Variants in ACSL4 observed in about 807,000 individuals in gnomAD.
ACSL4 encodes the protein acyl-CoA synthetase long chain family member 4, also known as long-chain-fatty-acid--CoA ligase 4.
Under a neutral mutation model 49.1 loss-of-function variants are expected in ACSL4, and 9 were observed. The observed-to-expected ratio is 0.18, with a 90% CI of 0.11 to 0.32. ACSL4 has a LOEUF of 0.32. Ranked by LOEUF, ACSL4 falls within the 10% of genes least tolerant of loss-of-function variation. ACSL4 has a pLI of 1.00. For missense variants in ACSL4, 333 were observed against 493.7 expected, an observed-to-expected ratio of 0.67 and a Z score of 3.08; for synonymous variants, 191 against 170.3, an observed-to-expected ratio of 1.12 and a Z score of -0.95.
chrX:109,660,983 A>G (rs1239734593), intron 14 of ACSL4, among the ~76,000 whole-genome samples: 1 of 111,398 alleles, frequency 9.0e-6, no homozygotes, highest in African/African-American at 3.3e-5. Flanking sequence ...TTTTGCAAGA[A>G]AAAAAGGTCT....
At chrX:109,656,004 G>T (rs988359655) in intron 15 of ACSL4, among the ~76,000 whole-genome samples, 1 of 111,166 alleles carries the variant, frequency 9.0e-6, no homozygotes, top group East Asian at 2.8e-4. Context: ...AGCTGCTGAA[G>T]GATGTGCTCT....
intron 1 of ACSL4, among the ~76,000 whole-genome samples, chrX:109,709,546 T>G (rs181130315): frequency 8.9e-6 from 1 of 112,690 alleles, no homozygotes; most frequent in Non-Finnish European, 1.9e-5. Context: ...TTTCACTTCC[T>G]GTAAGGCCCA....
intron 1 of ACSL4, among the ~76,000 whole-genome samples, chrX:109,705,903 G>A (rs958366200): frequency 1.1e-4 from 12 of 112,329 alleles, no homozygotes; most frequent in African/African-American, 2.9e-4. Flanking sequence ...CTCCATGTTG[G>A]TCAGGCTGGT....
chrX:109,728,025 C>T (rs1003851596), intron 1 of ACSL4, among the ~76,000 whole-genome samples: 8 of 112,316 alleles, frequency 7.1e-5, no homozygotes, highest in African/African-American at 2.6e-4. Context: ...TATAGTAACA[C>T]TGAAGGGACA....
In ACSL4 at chrX:109,720,879, T is replaced by C. The variant is rs145647167; in HGVS notation, c.-66+12260A>G. The stretch of plus-strand genomic sequence containing the variant: ...AAACCGTCCTAGACTAACCTTGCAA[T>C]TGACTGTTGACCAAATCGGGAAAGT... On this transcript the variant is annotated intron_variant, in intron 1 of 15. Transcript: ENST00000672401. Among the ~76,000 whole-genome samples the C allele has an allele frequency of 8.6e-4, 96 of 112,259 alleles. No individual in the cohort carries two copies. The Middle Eastern group carries it at 0.014, about 16-fold the overall frequency.
At chrX:109,701,502 C>A (rs1925928464) in intron 1 of ACSL4, among the ~76,000 whole-genome samples, 1 of 109,251 alleles carries the variant, frequency 9.2e-6, no homozygotes, top group Admixed American at 9.7e-5. Flanking sequence ...CAGGCATGAG[C>A]CACCTCGCCT....
chrX:109,686,776 GCACACA>G (rs35736807), intron 2 of ACSL4, among the ~76,000 whole-genome samples: 52 of 98,913 alleles, frequency 5.3e-4, no homozygotes, highest in South Asian at 4.5e-4. Flanking sequence ...ACACACGCAT[GCACACA>G]CACACACACA....
At position 109,644,699 on chromosome X, in the gene ACSL4, G is replaced by T. The variant is rs957346190; in HGVS notation, c.1856-513C>A. ...GAGCCAAGATGGCCAAATACGAACA[G>T]CTCTGGTCTACAGCTCCCAGCCTGA... is the stretch of plus-strand genomic sequence containing the variant. On this transcript the variant is annotated intron_variant, in intron 15 of 15. Transcript: ENST00000672401. Among the ~76,000 whole-genome samples the T allele has an allele frequency of 2.7e-5, 3 of 112,549 alleles. No homozygotes were observed. The Admixed American group carries it at 2.8e-4, about 11-fold the overall frequency.
At chrX:109,723,839 A>AGT (rs1454592615) in intron 1 of ACSL4, among the ~76,000 whole-genome samples, 1 of 112,766 alleles carries the variant, frequency 8.9e-6, no homozygotes, top group Non-Finnish European at 1.9e-5. Context: ...TCTCATTAAC[A>AGT]GTGTATGCAA....
At chrX:109,729,926 A>G (rs1299044680) in intron 1 of ACSL4, among the ~76,000 whole-genome samples, 2 of 112,346 alleles carry the variant, frequency 1.8e-5, no homozygotes, top group Non-Finnish European at 3.8e-5. Context: ...GACATGAAAA[A>G]CAGATCAGTG....
At chrX:109,696,813 C>G (rs1925473453) in intron 1 of ACSL4, among the ~76,000 whole-genome samples, 1 of 112,866 alleles carries the variant, frequency 8.9e-6, no homozygotes, top group South Asian at 3.6e-4. Context: ...GAGACCAAGG[C>G]AGGCAGATAC....
At chrX:109,720,541 G>A (rs912856238) in intron 1 of ACSL4, among the ~76,000 whole-genome samples, 2 of 111,548 alleles carry the variant, frequency 1.8e-5, no homozygotes, top group African/African-American at 3.3e-5. Context: ...ACTTAGGTCA[G>A]TTATTTTGCT....
chrX:109,723,380 C>T (rs771308843), intron 1 of ACSL4, among the ~76,000 whole-genome samples: 1 of 111,722 alleles, frequency 9.0e-6, no homozygotes, highest in South Asian at 3.7e-4. Flanking sequence ...GGGATAATTA[C>T]TCTTGATGTG....
intron 1 of ACSL4, among the ~76,000 whole-genome samples, chrX:109,705,684 A>T (rs944803544): frequency 9.0e-5 from 10 of 110,995 alleles, no homozygotes; most frequent in Non-Finnish European, 1.7e-4. Context: ...ATCCAAGGAA[A>T]GCTTTTTTAA....
intron 15 of ACSL4, among the ~76,000 whole-genome samples, chrX:109,646,450 A>G (rs375122124): frequency 1.8e-5 from 2 of 109,392 alleles, no homozygotes; most frequent in Non-Finnish European, 3.8e-5. Context: ...GAAATAAAAT[A>G]CTTTACAGAC....
At chrX:109,650,226 A>G (rs1237885685) in intron 15 of ACSL4, among the ~76,000 whole-genome samples, 1 of 111,419 alleles carries the variant, frequency 9.0e-6, no homozygotes, top group Admixed American at 9.5e-5. Context: ...ACAGATGCAC[A>G]CATATGTTTA....
At chrX:109,651,953 A>C (rs1197672576) in intron 15 of ACSL4, among the ~76,000 whole-genome samples, 1 of 112,049 alleles carries the variant, frequency 8.9e-6, no homozygotes, top group Non-Finnish European at 1.9e-5. Flanking sequence ...ATAAATTGCC[A>C]ACAAGTGAGA....
intron 15 of ACSL4, among the ~76,000 whole-genome samples, chrX:109,645,388 G>A (rs1237059117): frequency 8.9e-6 from 1 of 112,182 alleles, no homozygotes; most frequent in Non-Finnish European, 1.9e-5. Context: ...AGCCTAAATG[G>A]GAGGCACCCC....
chrX:109,644,200 T>G lies in ACSL4; in HGVS notation c.1856-14A>C. ...GCTCCAATTTCACTGAAATTAGAAG[T>G]GAAAGATGGGAGAAAAGGAGAGGGG... On this transcript the variant is annotated splice_polypyrimidine_tract_variant and intron_variant, in intron 15 of 15. Transcript: ENST00000672401. 8.4e-7 allele frequency: 1 copy of G among 1,187,351 alleles called. No individual in the cohort carries two copies.
Sources: gnomAD v4.1 joint callset for allele counts (sites outside exome capture counted in the v4.1 genomes callset) on GRCh38, gnomAD v4.1.1 for gene constraint, MANE v1.5 for transcripts, NCBI Gene and HGNC (gene_info 2026-07-23, HGNC 2026-07-21) for gene names.